The following UBASH3B variants were observed in gnomAD, a reference collection of about 807,000 sequenced individuals.
UBASH3B encodes the protein ubiquitin associated and SH3 domain containing B.
Under a neutral mutation model 83.4 loss-of-function variants are expected in UBASH3B, and 37 were observed. That is an observed-to-expected ratio of 0.44 (90% CI 0.34 to 0.58). The LOEUF is 0.58. Ranked by LOEUF, UBASH3B falls within the 20% of genes least tolerant of loss-of-function variation. The pLI is 0.01. For missense variants in UBASH3B, 657 were observed against 827.2 expected, an observed-to-expected ratio of 0.79 and a Z score of 2.52; for synonymous variants, 304 against 318.3, an observed-to-expected ratio of 0.96 and a Z score of 0.48.
intron 1 of UBASH3B, among the ~76,000 whole-genome samples, chr11:122,699,146 G>A (rs560441357): frequency 3.1e-4 from 47 of 152,292 alleles, no homozygotes; most frequent in Middle Eastern, 3.4e-3. Context: ...CACTGCGCCC[G>A]GATTGGGATT....
intron 1 of UBASH3B, among the ~76,000 whole-genome samples, chr11:122,705,375 G>T (rs1864103356): frequency 6.6e-6 from 1 of 151,614 alleles, no homozygotes; most frequent in African/African-American, 2.4e-5. Context: ...GAACCTGGGA[G>T]GCAGAGGTTG....
chr11:122,694,259 A>T (rs1591772553), intron 1 of UBASH3B, among the ~76,000 whole-genome samples: 1 of 152,090 alleles, frequency 6.6e-6, no homozygotes, highest in South Asian at 2.1e-4. Flanking sequence ...CAGGGAGGGG[A>T]TGTAACAAGA....
chr11:122,694,682 A>C (rs1305370937), intron 1 of UBASH3B, among the ~76,000 whole-genome samples: 1 of 152,216 alleles, frequency 6.6e-6, no homozygotes, highest in Non-Finnish European at 1.5e-5. Context: ...AGTCTTGGAA[A>C]TGCTGTTATT....
chr11:122,661,947 C>T (rs183625257), intron 1 of UBASH3B, among the ~76,000 whole-genome samples: 62 of 145,570 alleles, frequency 4.3e-4, no homozygotes, highest in Admixed American at 2.0e-3. Context: ...GTTCTTGTTG[C>T]CCAAGCTGGA....
rs984813541 is a variant in UBASH3B, at chr11:122,759,690, A to G, written c.162-16529A>G. ...CCTAGATCCCTTGCACGTGCAGTTC[A>G]CAGTAGGGTTTGTGCTCCTGTGAGA... On this transcript the variant is annotated intron_variant, in intron 1 of 13. Transcript: ENST00000284273. This position sits in a 1 kb window ranked among gnomAD's most constrained non-coding sequence, Gnocchi z 4.1. 6.6e-6 allele frequency among the ~76,000 whole-genome samples: 1 copy of G among 152,156 alleles called. No individual in the cohort carries two copies. Among genetic ancestry groups the G allele is most frequent in the Non-Finnish European group, 1.5e-5 (1 of 68,022 alleles).
intron 1 of UBASH3B, among the ~76,000 whole-genome samples, chr11:122,771,719 A>G (rs984299546): frequency 3.3e-5 from 5 of 151,502 alleles, no homozygotes; most frequent in African/African-American, 4.9e-5. Context: ...ATAAGTATTT[A>G]TGTCCTGGCA....
rs150398524 is a variant in UBASH3B at position 122,767,646 on chromosome 11, C to T, written c.162-8573C>T. Among the ~76,000 whole-genome samples the T allele has an allele frequency of 5.3e-3, 811 of 152,284 alleles. 6 individuals are homozygous for T. Among genetic ancestry groups the T allele is most frequent in the African/African-American group, 0.017 (720 of 41,572 alleles). On this transcript the variant is annotated intron_variant, in intron 1 of 13. Coordinates refer to ENST00000284273, the MANE Select transcript of UBASH3B (RefSeq NM_032873.5). ...TTTTTGTATTTCAAGGGAATGCTAT[C>T]GGTTAACTAAGGGACAAAACTTTAC...
chr11:122,670,159 G>A (rs1160791473), intron 1 of UBASH3B, among the ~76,000 whole-genome samples: 1 of 151,352 alleles, frequency 6.6e-6, no homozygotes, highest in Non-Finnish European at 1.5e-5. Context: ...GTGTGTGTGT[G>A]TATGTGTTTC....
intron 1 of UBASH3B, among the ~76,000 whole-genome samples, chr11:122,763,978 G>A (rs1218419989): frequency 6.6e-6 from 1 of 152,154 alleles, no homozygotes; most frequent in Non-Finnish European, 1.5e-5. Context: ...AAAAGTAGCT[G>A]GACTTCCTTG....
At chr11:122,714,083 T>G (rs905696225) in intron 1 of UBASH3B, among the ~76,000 whole-genome samples, 2 of 152,190 alleles carry the variant, frequency 1.3e-5, no homozygotes, top group African/African-American at 4.8e-5. Context: ...TCCAAAGTCT[T>G]TAATGGGAGT....
intron 1 of UBASH3B, among the ~76,000 whole-genome samples, chr11:122,713,695 G>A (rs1051789976): frequency 1.3e-5 from 2 of 150,848 alleles, no homozygotes; most frequent in Admixed American, 1.3e-4. Flanking sequence ...TCCCAAATCT[G>A]GCCACATGTC....
At chr11:122,773,969 TC>T (rs1359023019) in intron 1 of UBASH3B, 1 of 985,208 alleles carries the variant, frequency 1.0e-6, no homozygotes, top group African/African-American at 1.7e-5. Context: ...GAACAATGGG[TC>T]CTTTTTTGGT....
intron 6 of UBASH3B, among the ~76,000 whole-genome samples, chr11:122,790,194 C>A (rs192886543): frequency 6.2e-4 from 94 of 152,226 alleles, no homozygotes; most frequent in African/African-American, 2.2e-3. Context: ...AAAGGAGAAG[C>A]AGAGAGAGAT....
chr11:122,747,203 A>T (rs1331663597), intron 1 of UBASH3B, among the ~76,000 whole-genome samples: 1 of 152,198 alleles, frequency 6.6e-6, no homozygotes, highest in Non-Finnish European at 1.5e-5. Context: ...AAGAAAGATT[A>T]TTCTAGTCTT....
At chr11:122,767,162 C>T (rs1020099308) in intron 1 of UBASH3B, among the ~76,000 whole-genome samples, 10 of 151,866 alleles carry the variant, frequency 6.6e-5, no homozygotes, top group African/African-American at 2.2e-4. Context: ...CCTGTAATCC[C>T]AGCTACTCGG....
intron 1 of UBASH3B, among the ~76,000 whole-genome samples, chr11:122,704,379 T>C (rs1219844495): frequency 6.6e-6 from 1 of 152,160 alleles, no homozygotes; most frequent in African/African-American, 2.4e-5. Flanking sequence ...GGAGAGTAGT[T>C]TCCAGGAGCA....
intron 1 of UBASH3B, among the ~76,000 whole-genome samples, chr11:122,733,463 T>A (rs1313478224): frequency 6.6e-6 from 1 of 152,202 alleles, no homozygotes; most frequent in Non-Finnish European, 1.5e-5. Context: ...CCAGTTTGCT[T>A]GTTTATGTGG....
At chr11:122,669,959 A>G (rs1863571766) in intron 1 of UBASH3B, among the ~76,000 whole-genome samples, 1 of 152,194 alleles carries the variant, frequency 6.6e-6, no homozygotes. Context: ...TTTGATGAAC[A>G]GCAGAAGGAA....
chr11:122,717,117 T>C (rs1428540961), intron 1 of UBASH3B, among the ~76,000 whole-genome samples: 2 of 152,182 alleles, frequency 1.3e-5, no homozygotes, highest in African/African-American at 4.8e-5. Context: ...AAGCTACCAC[T>C]GTATGACAGA....
Sources: allele counts gnomAD v4.1 joint callset (sites outside exome capture counted in the v4.1 genomes callset), GRCh38; gene constraint gnomAD v4.1.1; non-coding constraint Gnocchi (gnomAD v3.1); transcripts MANE v1.5; gene names NCBI Gene and HGNC (gene_info 2026-07-23, HGNC 2026-07-21).